The following INPP4B variants were observed in gnomAD, a reference collection of about 807,000 sequenced individuals.
INPP4B encodes the protein inositol polyphosphate-4-phosphatase type II B.
INPP4B carries 55 observed loss-of-function variants against 122.5 expected under a neutral mutation model. The observed-to-expected ratio is 0.45, with a 90% CI of 0.36 to 0.56. The LOEUF is 0.56. Ranked by LOEUF, INPP4B falls within the 20% of genes least tolerant of loss-of-function variation. The pLI, the probability that INPP4B is intolerant of heterozygous loss-of-function variation, is 0.00. For missense variants in INPP4B, 1,000 were observed against 1,097.7 expected, an observed-to-expected ratio of 0.91 and a Z score of 1.26; for synonymous variants, 403 against 388.7, an observed-to-expected ratio of 1.04 and a Z score of -0.43.
intron 2 of INPP4B, among the ~76,000 whole-genome samples, chr4:142,508,043 C>T (rs2149849522): frequency 6.6e-6 from 1 of 152,134 alleles, no homozygotes; most frequent in South Asian, 2.1e-4. Flanking sequence ...CTTTTGCTAC[C>T]ACTTTGAGAT....
chr4:142,667,699 G>T (rs749128954), intron 2 of INPP4B, among the ~76,000 whole-genome samples: 1 of 152,144 alleles, frequency 6.6e-6, no homozygotes, highest in African/African-American at 2.4e-5. Flanking sequence ...GGAGGATAGC[G>T]AAGACTATAA....
rs544667151 is a variant in INPP4B, at chr4:142,524,647, T to C, written c.-190-61921A>G. 9.8e-5 allele frequency among the ~76,000 whole-genome samples: 15 copies of C among 152,310 alleles called. No homozygotes were observed. In the East Asian group the frequency reaches 2.9e-3, roughly 29 times the overall value. The stretch of plus-strand genomic sequence containing the variant: ...GCCAAAGACAAAAACCACATGATTA[T>C]CTCAATAGATGCAGAAAAGGCCTTT... On this transcript the variant is annotated intron_variant, in intron 2 of 25. Coordinates refer to ENST00000262992, the MANE Select transcript of INPP4B (RefSeq NM_001101669.3).
chr4:142,343,324 T>C (rs908083775), intron 7 of INPP4B, among the ~76,000 whole-genome samples: 7 of 152,190 alleles, frequency 4.6e-5, no homozygotes, highest in Non-Finnish European at 8.8e-5. Flanking sequence ...CTGAGTAGAC[T>C]ACACAAAGCA....
Position 142,301,306 on chromosome 4 carries a change from A to G in INPP4B, c.503+4152T>C, listed in dbSNP as rs897242010. ...TAAACCTCTACTATGTTGCAGGCAG[A>G]TAAAATTGAATTTTAATATAAAACA... On this transcript the variant is annotated intron_variant, in intron 9 of 25. Transcript: ENST00000262992. 8.5e-5 allele frequency among the ~76,000 whole-genome samples: 13 copies of G among 152,330 alleles called. No individual in the cohort carries two copies. The South Asian group carries it at 1.9e-3, about 22-fold the overall frequency.
chr4:142,266,502 T>C (rs1561682447), intron 10 of INPP4B, among the ~76,000 whole-genome samples: 1 of 152,220 alleles, frequency 6.6e-6, no homozygotes, highest in Non-Finnish European at 1.5e-5. Context: ...TTGTTACGTG[T>C]TGGATAAATA....
intron 3 of INPP4B, among the ~76,000 whole-genome samples, chr4:142,451,320 G>T (rs392514): frequency 3.7e-5 from 5 of 136,670 alleles, no homozygotes; most frequent in Non-Finnish European, 7.6e-5. Context: ...GCATGATCAC[G>T]ACTCACTGCA....
chr4:142,456,036 A>G (rs1405945837), intron 3 of INPP4B, among the ~76,000 whole-genome samples: 3 of 151,870 alleles, frequency 2.0e-5, no homozygotes, highest in Non-Finnish European at 2.9e-5. Context: ...TCAGATCCTT[A>G]TATATTCTGA....
intron 2 of INPP4B, among the ~76,000 whole-genome samples, chr4:142,474,953 C>T (rs1257976146): frequency 6.6e-6 from 1 of 152,222 alleles, no homozygotes; most frequent in African/African-American, 2.4e-5. Flanking sequence ...CCTGTCATAG[C>T]CAGATAGGCC....
intron 25 of INPP4B, among the ~76,000 whole-genome samples, chr4:142,070,420 C>T (rs1232053497): frequency 6.6e-6 from 1 of 152,136 alleles, no homozygotes; most frequent in African/African-American, 2.4e-5. Flanking sequence ...CCTTTGAAAA[C>T]TGGCACAAGA....
At chr4:142,185,428 C>T (rs1832729614) in intron 15 of INPP4B, among the ~76,000 whole-genome samples, 1 of 150,000 alleles carries the variant, frequency 6.7e-6, no homozygotes, top group Non-Finnish European at 1.5e-5. Flanking sequence ...ATCTCATCAG[C>T]CATACTTCTA....
Position 142,025,281 on chromosome 4 carries a change from G to T in INPP4B, c.*3501C>A, listed in dbSNP as rs921084634. On this transcript the variant is annotated 3_prime_UTR_variant, in exon 26 of 26. Transcript: ENST00000262992. ...AAGAGACCCACAGTAGCACAATATT[G>T]TATCCTGTTTTCACTGTAAAGATGT... 6.6e-6 allele frequency: 1 copy of T among 152,062 alleles called. No homozygotes were observed. Among genetic ancestry groups the T allele is most frequent in the Non-Finnish European group, 1.5e-5 (1 of 68,018 alleles). 9.4% of individuals were successfully genotyped at this position (152,062 alleles called of 1,614,324 possible).
chr4:142,426,970 T>TAA (rs1808226144), intron 5 of INPP4B: 1 of 151,988 alleles, frequency 6.6e-6, no homozygotes, highest in South Asian at 2.1e-4. Context: ...TCTGATTAAA[T>TAA]AAATATGCAC....
chr4:142,321,596 G>A (rs1409580727), intron 7 of INPP4B, among the ~76,000 whole-genome samples: 2 of 152,054 alleles, frequency 1.3e-5, no homozygotes, highest in African/African-American at 4.8e-5. Context: ...ATCTTGAGTC[G>A]ATTTGTGTAT....
chr4:142,467,464 C>T (rs1818003096), intron 2 of INPP4B, among the ~76,000 whole-genome samples: 1 of 152,136 alleles, frequency 6.6e-6, no homozygotes, highest in African/African-American at 2.4e-5. Context: ...AATTTTTCCC[C>T]TTTTGGAATG....
At chr4:142,202,725 A>G in intron 14 of INPP4B, 1 of 984,144 alleles carries the variant, frequency 1.0e-6, no homozygotes, top group African/African-American at 1.7e-5. Context: ...ATATTAGTTA[A>G]GCTTCTTTTC....
intron 9 of INPP4B, among the ~76,000 whole-genome samples, chr4:142,297,051 A>G (rs1759035444): frequency 6.6e-6 from 1 of 152,212 alleles, no homozygotes; most frequent in African/African-American, 2.4e-5. Context: ...CAATAAAATG[A>G]ATCAGCAACC....
intron 7 of INPP4B, among the ~76,000 whole-genome samples, chr4:142,394,168 C>T (rs563317767): frequency 1.1e-4 from 17 of 152,066 alleles, no homozygotes; most frequent in Admixed American, 4.6e-4. Context: ...TGTTTTGAGA[C>T]GGAGTCTCGC....
intron 2 of INPP4B, among the ~76,000 whole-genome samples, chr4:142,702,825 AT>A (rs780886591): frequency 6.6e-6 from 1 of 151,958 alleles, no homozygotes; most frequent in Non-Finnish European, 1.5e-5. Context: ...GCAAAAAAAA[AT>A]TTCCCTAATT....
intron 23 of INPP4B, among the ~76,000 whole-genome samples, chr4:142,099,265 A>G (rs1340079413): frequency 6.6e-6 from 1 of 152,182 alleles, no homozygotes; most frequent in Non-Finnish European, 1.5e-5. Flanking sequence ...GCAGTATAAC[A>G]TAATATTCCT....
Sources: gnomAD v4.1 joint callset for allele counts (sites outside exome capture counted in the v4.1 genomes callset) on GRCh38, gnomAD v4.1.1 for gene constraint, MANE v1.5 for transcripts, NCBI Gene and HGNC (gene_info 2026-07-23, HGNC 2026-07-21) for gene names.